Variants in RAPGEF5 observed in about 807,000 individuals in gnomAD.
RAPGEF5 encodes Rap guanine nucleotide exchange factor 5.
A neutral mutation model predicts 125.2 loss-of-function variants in RAPGEF5; 65 were observed. The observed-to-expected ratio is 0.52, with a 90% CI of 0.43 to 0.64. The LOEUF (loss-of-function observed/expected upper bound fraction) is 0.64. Ranked by LOEUF, RAPGEF5 falls within the 30% of genes least tolerant of loss-of-function variation. RAPGEF5 has a pLI of 0.00. For synonymous variants in RAPGEF5, 391 were observed against 385.9 expected (o/e 1.01, Z -0.16); for missense variants, 958 against 1,048.1 (o/e 0.91, Z 1.19).
At chr7:22,259,442 T>C (rs1440451264) in intron 7 of RAPGEF5, among the ~76,000 whole-genome samples, 1 of 152,182 alleles carries the variant, frequency 6.6e-6, no homozygotes, top group Non-Finnish European at 1.5e-5. Flanking sequence ...GGAAGACAAC[T>C]TGGTAGTTTC....
rs373786814 is a variant in RAPGEF5, at chr7:22,219,912, T to C, written c.950A>G (p.Tyr317Cys). The C allele has an allele frequency of 3.0e-5, 48 of 1,613,396 alleles. No individual in the cohort carries two copies. The highest frequency in any genetic ancestry group is 1.6e-4 in the Middle Eastern group (1 of 6,082). Residue 317 changes from tyrosine (Y) to cysteine (C), a missense_variant, in exon 9 of 26, where the codon TAT (tyrosine) becomes TGT (cysteine). Tyr to Cys is a radical substitution (Grantham distance 194). Transcript: ENST00000665637. Reference sequence around the variant, plus strand: ...TTTTTTGTCCGTCTGCAAAAACTGATAGTTTTCTTTTGCCAGCTTCTGGAC... The same window carrying C: ...TTTTTTGTCCGTCTGCAAAAACTGACAGTTTTCTTTTGCCAGCTTCTGGAC... ...ELVQKLAKENYQFLQTDKKEQ... is the reference protein window; with the variant it reads ...ELVQKLAKENCQFLQTDKKEQ...
chr7:22,340,562 C>T lies in RAPGEF5; in HGVS notation c.231+16268G>A, dbSNP rs139332174. Among the ~76,000 whole-genome samples the T allele has an allele frequency of 4.1e-3, 620 of 152,294 alleles. 4 individuals carry two copies. The highest frequency in any genetic ancestry group is 0.014 in the African/African-American group (597 of 41,564). On this transcript the variant is annotated intron_variant, in intron 1 of 25. Coordinates refer to ENST00000665637, the MANE Select transcript of RAPGEF5 (RefSeq NM_012294.5). Reference sequence around the variant, plus strand: ...TGGAGGTGAAAACAAGATGGATTTGCGGGAACCATCCTTGCCCCAGGGTCT... The same window carrying T: ...TGGAGGTGAAAACAAGATGGATTTGTGGGAACCATCCTTGCCCCAGGGTCT...
intron 6 of RAPGEF5, among the ~76,000 whole-genome samples, chr7:22,268,578 G>A (rs1247550967): frequency 6.6e-6 from 1 of 152,172 alleles, no homozygotes; most frequent in East Asian, 1.9e-4. Flanking sequence ...TTGGGACAAA[G>A]AGGCAGATTA....
At chr7:22,313,661 A>G (rs1380195209) in intron 3 of RAPGEF5, among the ~76,000 whole-genome samples, 3 of 152,176 alleles carry the variant, frequency 2.0e-5, no homozygotes, top group Non-Finnish European at 4.4e-5. Context: ...ATCCATGGAG[A>G]TCCAATAAAG....
At chr7:22,301,041 G>A (rs1227320742) in intron 5 of RAPGEF5, among the ~76,000 whole-genome samples, 1 of 152,234 alleles carries the variant, frequency 6.6e-6, no homozygotes, top group Non-Finnish European at 1.5e-5. Context: ...ACTCACACCT[G>A]TGTAGGTCAC....
chr7:22,252,519 T>C (rs539078744), intron 7 of RAPGEF5, among the ~76,000 whole-genome samples: 14 of 152,346 alleles, frequency 9.2e-5, no homozygotes, highest in South Asian at 2.1e-4. Context: ...ATGACCATAT[T>C]GAAGGATTAA....
intron 9 of RAPGEF5, among the ~76,000 whole-genome samples, chr7:22,216,271 A>T (rs1785636322): frequency 6.6e-6 from 1 of 152,186 alleles, no homozygotes; most frequent in Non-Finnish European, 1.5e-5. Flanking sequence ...TGATTATGCC[A>T]CTTCCCTTCT....
chr7:22,151,251 T>G (rs1347618289), intron 17 of RAPGEF5, among the ~76,000 whole-genome samples: 3 of 152,202 alleles, frequency 2.0e-5, no homozygotes, highest in Non-Finnish European at 4.4e-5. Context: ...AATATCCTTA[T>G]GTTTAAATCT....
At chr7:22,230,807 G>A in intron 8 of RAPGEF5, 39 bp downstream of exon 8, 1 of 1,511,734 alleles carries the variant, frequency 6.6e-7, no homozygotes. Context: ...CCTCAACACA[G>A]AAGGGTATGA....
At chr7:22,220,844 G>C (rs1349816752) in intron 8 of RAPGEF5, among the ~76,000 whole-genome samples, 1 of 152,122 alleles carries the variant, frequency 6.6e-6, no homozygotes, top group Non-Finnish European at 1.5e-5. Context: ...TACTTGGCAG[G>C]AGCAGTCAAA....
At chr7:22,343,340 C>A (rs1784163266) in intron 1 of RAPGEF5, among the ~76,000 whole-genome samples, 1 of 152,138 alleles carries the variant, frequency 6.6e-6, no homozygotes, top group Non-Finnish European at 1.5e-5. Context: ...AGGTATCAAC[C>A]CAACTACCCA....
At chr7:22,150,559 G>C (rs570813033) in intron 17 of RAPGEF5, 55 bp from the exon 18 acceptor site, 10 of 1,548,354 alleles carry the variant, frequency 6.5e-6, no homozygotes, top group Non-Finnish European at 7.8e-6. Flanking sequence ...AAGAGTAGCA[G>C]CAGTAGGCCT....
chr7:22,138,369 C>T (rs1048865151), intron 21 of RAPGEF5, among the ~76,000 whole-genome samples: 1 of 152,204 alleles, frequency 6.6e-6, no homozygotes, highest in Non-Finnish European at 1.5e-5. Context: ...GCAACAGAGA[C>T]CATGTGGCCT....
intron 9 of RAPGEF5, among the ~76,000 whole-genome samples, chr7:22,213,414 T>C (rs1171964201): frequency 6.6e-6 from 1 of 152,244 alleles, no homozygotes; most frequent in Non-Finnish European, 1.5e-5. Flanking sequence ...TCCCTCTAAA[T>C]GTCTTATTTA....
At chr7:22,139,058 G>C (rs187651506) in intron 21 of RAPGEF5, among the ~76,000 whole-genome samples, 3 of 152,294 alleles carry the variant, frequency 2.0e-5, no homozygotes, top group Admixed American at 2.0e-4. Context: ...CATTCCTTCA[G>C]GGTATGACCC....
chr7:22,305,400 T>G (rs1481919340), intron 5 of RAPGEF5, among the ~76,000 whole-genome samples: 1 of 152,194 alleles, frequency 6.6e-6, no homozygotes, highest in African/African-American at 2.4e-5. Context: ...GAGATTTTAT[T>G]TATTTTTTCT....
At chr7:22,255,750 G>A (rs2214936) in intron 7 of RAPGEF5, among the ~76,000 whole-genome samples, 56,250 of 151,704 alleles carry the variant, frequency 0.37, 11,093 homozygotes, top group East Asian at 0.73. Flanking sequence ...GAGAAAAAAT[G>A]TTATTACCCA....
intron 24 of RAPGEF5, among the ~76,000 whole-genome samples, chr7:22,127,114 C>T (rs1383838979): frequency 6.7e-6 from 1 of 149,266 alleles, no homozygotes; most frequent in Non-Finnish European, 1.5e-5. Context: ...TCTCGGCTCA[C>T]TGCACCCTCT....
At chr7:22,192,404 C>T (rs544510040) in intron 11 of RAPGEF5, 2 of 152,314 alleles carry the variant, frequency 1.3e-5, no homozygotes, top group African/African-American at 4.8e-5. Flanking sequence ...ACCCAGACAT[C>T]ACCTATGTTC....
Sources: allele counts gnomAD v4.1 joint callset (sites outside exome capture counted in the v4.1 genomes callset), GRCh38; gene constraint gnomAD v4.1.1; transcripts MANE v1.5; gene names NCBI Gene and HGNC (gene_info 2026-07-23, HGNC 2026-07-21).